The following PAM variants were observed in gnomAD, a reference collection of about 807,000 sequenced individuals.
PAM encodes the protein peptidyl-glycine alpha-amidating monooxygenase.
Under a neutral mutation model 122.1 loss-of-function variants are expected in PAM, and 72 were observed. That is an observed-to-expected ratio of 0.59 (90% CI 0.49 to 0.72). PAM has a LOEUF of 0.72. PAM is among the 30% of genes least tolerant of loss of function. PAM has a pLI of 0.00. For synonymous variants in PAM, 389 were observed against 404.4 expected (o/e 0.96, Z 0.46); for missense variants, 1,106 against 1,183.7 (o/e 0.93, Z 0.96).
chr5:102,984,985 G>A (rs780632641), intron 15 of PAM, among the ~76,000 whole-genome samples: 1 of 151,686 alleles, frequency 6.6e-6, no homozygotes, highest in Non-Finnish European at 1.5e-5. Flanking sequence ...ACCAACTATT[G>A]GGTCAGTGAA....
intron 1 of PAM, among the ~76,000 whole-genome samples, chr5:102,770,380 C>G (rs1755402097): frequency 6.6e-6 from 1 of 151,972 alleles, no homozygotes; most frequent in Admixed American, 6.6e-5. Flanking sequence ...TCTGATTGTT[C>G]TAGTTAGGAC....
chr5:102,981,345 C>A (rs1769755390), intron 15 of PAM, among the ~76,000 whole-genome samples: 1 of 152,196 alleles, frequency 6.6e-6, no homozygotes, highest in South Asian at 2.1e-4. Flanking sequence ...TGGCAGGCCA[C>A]TGAATAGAAA....
intron 1 of PAM, chr5:102,865,376 G>GTGCTT (rs1252395159): frequency 3.9e-5 from 6 of 152,358 alleles, no homozygotes; most frequent in African/African-American, 1.4e-4. Context: ...GTGGTATCCA[G>GTGCTT]TGCTTTGTCT....
chr5:102,973,127 C>T (rs1299491784), intron 14 of PAM, among the ~76,000 whole-genome samples: 1 of 152,098 alleles, frequency 6.6e-6, no homozygotes, highest in Non-Finnish European at 1.5e-5. Context: ...ACTCCATAGT[C>T]GTAAGTAATT....
In PAM at chr5:102,913,969, CATCACATG is replaced by C; in HGVS notation, c.305_312del (p.His102LeufsTer18). The C allele has an allele frequency of 6.2e-7, 1 of 1,607,816 alleles. No individual in the cohort carries two copies. The highest frequency in any genetic ancestry group is 8.5e-7 in the Non-Finnish European group (1 of 1,174,624). Reference sequence around the variant, plus strand: ...GCCTCGAGCCAGCATGGATACTGTCCATCACATGTTACTTTTTGGATGCAATATGCCTT... The same window carrying C: ...GCCTCGAGCCAGCATGGATACTGTCCTTACTTTTTGGATGCAATATGCCTT... On this transcript the variant is annotated frameshift_variant, in exon 5 of 26. Coordinates refer to ENST00000438793, the MANE Select transcript of PAM (RefSeq NM_001177306.2). LOFTEE classifies it high-confidence loss of function.
At chr5:102,801,208 G>C (rs1419085462) in intron 1 of PAM, among the ~76,000 whole-genome samples, 1 of 151,974 alleles carries the variant, frequency 6.6e-6, no homozygotes, top group Non-Finnish European at 1.5e-5. Flanking sequence ...TATTTATATT[G>C]TTTTAACTAG....
At chr5:102,764,222 G>A (rs1442572487) in intron 1 of PAM, among the ~76,000 whole-genome samples, 1 of 151,776 alleles carries the variant, frequency 6.6e-6, no homozygotes, top group Non-Finnish European at 1.5e-5. Flanking sequence ...GACTCATGGA[G>A]CTTACTTATT....
intron 4 of PAM, among the ~76,000 whole-genome samples, chr5:102,908,513 A>C (rs1800322805): frequency 6.7e-6 from 1 of 149,740 alleles, no homozygotes; most frequent in Admixed American, 6.7e-5. Context: ...TGGGAATTGA[A>C]CAATGAGATC....
At chr5:102,851,885 G>T (rs1781428116) in intron 1 of PAM, among the ~76,000 whole-genome samples, 1 of 152,050 alleles carries the variant, frequency 6.6e-6, no homozygotes, top group Non-Finnish European at 1.5e-5. Context: ...ATATTTGAAT[G>T]CATTAATATT....
At chr5:102,789,208 T>G (rs1190159434) in intron 1 of PAM, among the ~76,000 whole-genome samples, 4 of 152,116 alleles carry the variant, frequency 2.6e-5, no homozygotes, top group African/African-American at 9.7e-5. Flanking sequence ...GGATAATTGA[T>G]TTTTTAAAAA....
chr5:102,826,866 C>T (rs1464378524), intron 1 of PAM, among the ~76,000 whole-genome samples: 1 of 152,100 alleles, frequency 6.6e-6, no homozygotes, highest in East Asian at 1.9e-4. Context: ...AGCTGCTCCC[C>T]ACCTTTATTT....
At chr5:102,977,562 T>C (rs1366192235) in intron 15 of PAM, among the ~76,000 whole-genome samples, 4 of 151,898 alleles carry the variant, frequency 2.6e-5, no homozygotes, top group Non-Finnish European at 5.9e-5. Context: ...CAAGTTCAGA[T>C]ACACTAGACC....
chr5:102,895,069 G>A (rs1795833881), intron 3 of PAM, among the ~76,000 whole-genome samples: 1 of 151,586 alleles, frequency 6.6e-6, no homozygotes, highest in African/African-American at 2.4e-5. Context: ...ATGAACTACA[G>A]GCCCTGCATT....
intron 1 of PAM, among the ~76,000 whole-genome samples, chr5:102,842,299 A>G (rs958870961): frequency 2.0e-5 from 3 of 151,866 alleles, no homozygotes; most frequent in African/African-American, 7.3e-5. Flanking sequence ...TCCCCACCCA[A>G]ATTTCATCTT....
chr5:102,778,374 C>T (rs1757746116), intron 1 of PAM, among the ~76,000 whole-genome samples: 1 of 152,000 alleles, frequency 6.6e-6, no homozygotes, highest in Non-Finnish European at 1.5e-5. Flanking sequence ...GTATTTTAGA[C>T]AAGGAGCATT....
At chr5:102,859,138 T>C (rs1469285276) in intron 1 of PAM, among the ~76,000 whole-genome samples, 3 of 152,132 alleles carry the variant, frequency 2.0e-5, no homozygotes, top group Non-Finnish European at 4.4e-5. Flanking sequence ...TATTTTAGAG[T>C]GCACTCCTTC....
At chr5:102,779,918 T>TATATATATATATACACACAC (rs147065045) in intron 1 of PAM, among the ~76,000 whole-genome samples, 2,033 of 94,666 alleles carry the variant, frequency 0.021, 43 homozygotes, top group Admixed American at 0.031. Flanking sequence ...TATATATATA[T>TATATATATATATACACACAC]ACACACATAT....
chr5:102,774,295 T>A (rs1038883492), intron 1 of PAM, among the ~76,000 whole-genome samples: 7 of 152,074 alleles, frequency 4.6e-5, no homozygotes, highest in Non-Finnish European at 8.8e-5. Context: ...CCATACTGCT[T>A]CTGATTTCCA....
chr5:103,030,041 T>A (rs1301628437), downstream of PAM: 1 of 152,146 alleles, frequency 6.6e-6, no homozygotes, highest in African/African-American at 2.4e-5. Context: ...AAATGATCCA[T>A]CAGTAGGGAT....
Sources: allele counts gnomAD v4.1 joint callset (sites outside exome capture counted in the v4.1 genomes callset), GRCh38; gene constraint gnomAD v4.1.1; transcripts MANE v1.5; gene names NCBI Gene and HGNC (gene_info 2026-07-23, HGNC 2026-07-21).